The following CTNNA3 variants were observed in gnomAD, a reference collection of about 807,000 sequenced individuals.
CTNNA3 encodes the protein catenin alpha-3.
CTNNA3 carries 76 observed loss-of-function variants against 95.7 expected under a neutral mutation model. The observed-to-expected ratio is 0.79, with a 90% CI of 0.66 to 0.96. The LOEUF (loss-of-function observed/expected upper bound fraction) is 0.96, where lower values mean the gene tolerates loss of function less well. CTNNA3 is among the 40% of genes least tolerant of loss of function. The pLI, the probability that CTNNA3 is intolerant of heterozygous loss-of-function variation, is 0.00. For missense variants in CTNNA3, 1,191 were observed against 1,089.8 expected, an observed-to-expected ratio of 1.09 and a Z score of -1.31; for synonymous variants, 431 against 374.4, an observed-to-expected ratio of 1.15 and a Z score of -1.74.
intron 11 of CTNNA3, among the ~76,000 whole-genome samples, chr10:66,387,098 G>A (rs939728214): frequency 6.6e-6 from 1 of 152,082 alleles, no homozygotes; most frequent in Non-Finnish European, 1.5e-5. Flanking sequence ...AGACAAATGG[G>A]ATCTAATTAA....
intron 15 of CTNNA3, among the ~76,000 whole-genome samples, chr10:66,012,057 T>TCCATAC (rs1317075052): frequency 5.3e-5 from 8 of 152,172 alleles, no homozygotes; most frequent in Non-Finnish European, 1.2e-4. Flanking sequence ...CAAAATAAAA[T>TCCATAC]GTGGCTTATT....
chr10:65,922,503 C>T (rs1786927), intron 17 of CTNNA3, among the ~76,000 whole-genome samples: 62,082 of 151,868 alleles, frequency 0.41, 12,868 homozygotes, highest in East Asian at 0.48. Context: ...AATTTTAAAA[C>T]CTGGGTCTCA....
intron 7 of CTNNA3, among the ~76,000 whole-genome samples, chr10:67,135,792 A>C (rs1860274695): frequency 6.6e-6 from 1 of 152,178 alleles, no homozygotes; most frequent in African/African-American, 2.4e-5. Context: ...ACTAGTCTCA[A>C]TCTCACAAAT....
intron 7 of CTNNA3, among the ~76,000 whole-genome samples, chr10:67,026,695 C>T (rs542139959): frequency 5.9e-5 from 9 of 152,134 alleles, no homozygotes; most frequent in African/African-American, 2.2e-4. Flanking sequence ...TCAGTTTGAG[C>T]AACCAGTGAC....
intron 5 of CTNNA3, among the ~76,000 whole-genome samples, chr10:67,489,181 T>A (rs1241127424): frequency 6.6e-6 from 1 of 152,228 alleles, no homozygotes; most frequent in Non-Finnish European, 1.5e-5. Flanking sequence ...TTTTACAGAT[T>A]TCCCTGGGAG....
chr10:67,051,311 A>T (rs188662100), intron 7 of CTNNA3, among the ~76,000 whole-genome samples: 7 of 152,262 alleles, frequency 4.6e-5, no homozygotes, highest in Admixed American at 4.6e-4. Flanking sequence ...ATGTCTTCAC[A>T]ATTGTACTCT....
At chr10:66,106,552 C>G (rs1249430195) in intron 13 of CTNNA3, among the ~76,000 whole-genome samples, 1 of 151,950 alleles carries the variant, frequency 6.6e-6, no homozygotes, top group African/African-American at 2.4e-5. Context: ...GAATAAAATT[C>G]GGATAATAAT....
chr10:66,544,225 C>T (rs1299278636), intron 10 of CTNNA3, among the ~76,000 whole-genome samples: 3 of 151,902 alleles, frequency 2.0e-5, no homozygotes, highest in Non-Finnish European at 4.4e-5. Flanking sequence ...TATTAGCCTC[C>T]TAGTAAATTA....
In CTNNA3 at chr10:67,438,371, A is replaced by G. The variant is rs577906138; in HGVS notation, c.579+83471T>C. On this transcript the variant is annotated intron_variant, in intron 5 of 17. Transcript: ENST00000433211. ...GACACACAGCAGGCTCTCTCTAAAC[A>G]TCTGCTCCGTGAAGGCAGTACATAG... Among the ~76,000 whole-genome samples, 264 of 152,264 alleles carry G rather than the reference A, an allele frequency of 1.7e-3. 1 individual carries two copies. The highest frequency in any genetic ancestry group is 6.1e-3 in the African/African-American group (254 of 41,548).
At chr10:66,979,597 C>A (rs1473707526) in intron 7 of CTNNA3, among the ~76,000 whole-genome samples, 2 of 152,138 alleles carry the variant, frequency 1.3e-5, no homozygotes, top group Non-Finnish European at 2.9e-5. Context: ...GTTAACCATT[C>A]TATCCCTCAA....
chr10:65,990,174 A>C (rs552677134), intron 15 of CTNNA3, among the ~76,000 whole-genome samples: 2 of 151,864 alleles, frequency 1.3e-5, no homozygotes, highest in African/African-American at 4.8e-5. Context: ...ATTGTGAATA[A>C]TACTACAATA....
chr10:67,096,202 A>AT (rs968879057), intron 7 of CTNNA3, among the ~76,000 whole-genome samples: 5 of 151,856 alleles, frequency 3.3e-5, no homozygotes, highest in African/African-American at 9.6e-5. Flanking sequence ...GATTAGTTTT[A>AT]TTTTTTATTT....
intron 7 of CTNNA3, chr10:66,926,815 T>C (rs1847104422): frequency 1.9e-6 from 2 of 1,067,204 alleles, no homozygotes; most frequent in Non-Finnish European, 2.6e-6. Flanking sequence ...TTAAGTGTTA[T>C]TTAGATTTAA....
chr10:66,767,058 A>G (rs1839888982), intron 8 of CTNNA3, among the ~76,000 whole-genome samples: 1 of 152,240 alleles, frequency 6.6e-6, no homozygotes, highest in African/African-American at 2.4e-5. Flanking sequence ...ATTAATGACA[A>G]TTAGGCAATT....
At chr10:67,656,058 A>C (rs1414058980) in intron 1 of CTNNA3, among the ~76,000 whole-genome samples, 2 of 152,214 alleles carry the variant, frequency 1.3e-5, no homozygotes, top group Non-Finnish European at 2.9e-5. Context: ...GAAAGAAGAC[A>C]ACTGTAATAT....
chr10:66,264,623 C>T (rs1262421523), intron 13 of CTNNA3, among the ~76,000 whole-genome samples: 3 of 151,862 alleles, frequency 2.0e-5, no homozygotes, highest in Non-Finnish European at 4.4e-5. Context: ...GTGTGTCGTA[C>T]ATTTACATGG....
At chr10:67,043,666 T>A (rs922765657) in intron 7 of CTNNA3, among the ~76,000 whole-genome samples, 2 of 152,174 alleles carry the variant, frequency 1.3e-5, no homozygotes, top group Admixed American at 1.3e-4. Context: ...CTTGCAGTAA[T>A]GCCTACCCTT....
intron 10 of CTNNA3, among the ~76,000 whole-genome samples, chr10:66,585,922 A>T (rs1232793798): frequency 6.6e-6 from 1 of 151,880 alleles, no homozygotes; most frequent in African/African-American, 2.4e-5. Flanking sequence ...TTAGTTTTTG[A>T]TTCAATTGGG....
At chr10:66,132,133 A>G (rs1379491557) in intron 13 of CTNNA3, among the ~76,000 whole-genome samples, 2 of 152,218 alleles carry the variant, frequency 1.3e-5, no homozygotes, top group Non-Finnish European at 2.9e-5. Context: ...ATTGAGGAAT[A>G]TATTTGCAAA....
Sources: allele counts gnomAD v4.1 joint callset (sites outside exome capture counted in the v4.1 genomes callset), GRCh38; gene constraint gnomAD v4.1.1; transcripts MANE v1.5; gene names NCBI Gene and HGNC (gene_info 2026-07-23, HGNC 2026-07-21).